The following IMMP2L variants were observed in gnomAD, a reference collection of about 807,000 sequenced individuals.
IMMP2L encodes mitochondrial inner membrane protease subunit 2.
In IMMP2L, 18 loss-of-function variants were observed where a neutral mutation model predicts 19.3. The observed-to-expected ratio is 0.93, with a 90% CI of 0.64 to 1.38. The LOEUF is 1.38. Among genes scored for constraint, IMMP2L ranks in the 40% most tolerant of loss-of-function variants. The probability of loss-of-function intolerance (pLI) is 0.00; values close to 1 mark genes in which losing one functional copy is unlikely to be tolerated. For synonymous variants in IMMP2L, 76 were observed against 73.0 expected (o/e 1.04, Z -0.21); for missense variants, 233 against 218.2 (o/e 1.07, Z -0.43).
Position 110,727,404 on chromosome 7 carries a change from A to G in IMMP2L, c.409-63683T>C, listed in dbSNP as rs937175143. On this transcript the variant is annotated intron_variant, in intron 5 of 5. Transcript: ENST00000405709. The surrounding 1 kb of genome is among the most constrained non-coding windows in gnomAD (Gnocchi z 4.3). ...AGACTCTGTCTCTAAATAAATAAAT[A>G]AATAAATAAATAAATATTAAAAATC... 6.6e-6 allele frequency among the ~76,000 whole-genome samples: 1 copy of G among 151,936 alleles called. No individual in the cohort carries two copies. The highest frequency in any genetic ancestry group is 1.5e-5 in the Non-Finnish European group (1 of 67,992).
intron 3 of IMMP2L, 115 bp downstream of exon 3, chr7:111,487,123 A>T (rs1401828110): frequency 1.9e-6 from 1 of 519,800 alleles, no homozygotes; most frequent in Non-Finnish European, 3.4e-6. Flanking sequence ...CATTGTATTT[A>T]ACATGTATTC....
chr7:110,668,778 CT>C (rs201051720), intron 5 of IMMP2L, among the ~76,000 whole-genome samples: 3 of 143,980 alleles, frequency 2.1e-5, no homozygotes, highest in Non-Finnish European at 3.0e-5. Flanking sequence ...TTCAGGGTTT[CT>C]TTTTTTTAAT....
Position 111,443,383 on chromosome 7 carries a change from G to A in IMMP2L, c.239+43855C>T, listed in dbSNP as rs549673159. Among the ~76,000 whole-genome samples the A allele has an allele frequency of 2.0e-5, 3 of 152,254 alleles. No homozygotes were observed. The South Asian group carries it at 6.2e-4, about 32-fold the overall frequency. ...TACTACGACCACTGTCTTAAGAGAA[G>A]GAAAACTGAGTGGGCTGGTTAAGGA... On this transcript the variant is annotated intron_variant, in intron 3 of 5. Coordinates refer to ENST00000405709, the MANE Select transcript of IMMP2L (RefSeq NM_032549.4).
chr7:110,813,660 G>A (rs1356135703), intron 5 of IMMP2L, among the ~76,000 whole-genome samples: 1 of 151,678 alleles, frequency 6.6e-6, no homozygotes, highest in Non-Finnish European at 1.5e-5. Flanking sequence ...GGGAATGGTG[G>A]AAGGATGTTA....
chr7:110,813,055 T>A (rs1333137417), intron 5 of IMMP2L, among the ~76,000 whole-genome samples: 1 of 152,192 alleles, frequency 6.6e-6, no homozygotes, highest in African/African-American at 2.4e-5. Flanking sequence ...GGAATCACTT[T>A]GCAGTAAAAT....
chr7:110,905,588 G>C (rs530088090), intron 4 of IMMP2L, among the ~76,000 whole-genome samples: 7 of 152,162 alleles, frequency 4.6e-5, no homozygotes, highest in Non-Finnish European at 7.4e-5. Context: ...AAGAAGTTTA[G>C]GAAAAGGCAT....
intron 4 of IMMP2L, chr7:110,962,940 T>C (rs756068436): frequency 7.4e-5 from 105 of 1,416,446 alleles, no homozygotes; most frequent in East Asian, 1.0e-4. Flanking sequence ...ATGTCAACAA[T>C]TGTTCTTGAT....
chr7:111,237,913 A>C (rs994946230), intron 3 of IMMP2L, among the ~76,000 whole-genome samples: 1 of 152,086 alleles, frequency 6.6e-6, no homozygotes, highest in Non-Finnish European at 1.5e-5. Context: ...TGATAATGGT[A>C]TCTATCCAAT....
chr7:110,970,129 AT>A (rs531626712), intron 3 of IMMP2L, among the ~76,000 whole-genome samples: 53 of 152,260 alleles, frequency 3.5e-4, no homozygotes, highest in African/African-American at 1.2e-3. Context: ...TGTAAAATCA[AT>A]TAAATTTGTA....
chr7:110,743,824 G>C (rs1488152410), intron 5 of IMMP2L, among the ~76,000 whole-genome samples: 1 of 152,120 alleles, frequency 6.6e-6, no homozygotes, highest in Non-Finnish European at 1.5e-5. Flanking sequence ...CCCAAAACTG[G>C]GCGGCCATTT....
chr7:110,665,134 A>G (rs976005665), intron 5 of IMMP2L: 1 of 152,244 alleles, frequency 6.6e-6, no homozygotes, highest in African/African-American at 2.4e-5. Flanking sequence ...CCTTGGGCTC[A>G]ATAAAGGGTT....
At chr7:111,110,885 G>A (rs1799115382) in intron 3 of IMMP2L, among the ~76,000 whole-genome samples, 1 of 152,140 alleles carries the variant, frequency 6.6e-6, no homozygotes, top group Non-Finnish European at 1.5e-5. Context: ...ATGTGACTGT[G>A]AAGGGAAAAT....
chr7:111,275,253 T>C (rs944584100), intron 3 of IMMP2L, among the ~76,000 whole-genome samples: 6 of 152,110 alleles, frequency 3.9e-5, no homozygotes, highest in Non-Finnish European at 7.4e-5. Flanking sequence ...GATAAGAGAC[T>C]TGGCCCAAAT....
At chr7:110,807,695 C>A (rs904088912) in intron 5 of IMMP2L, among the ~76,000 whole-genome samples, 1 of 151,976 alleles carries the variant, frequency 6.6e-6, no homozygotes, top group Middle Eastern at 3.2e-3. Context: ...GTAAAGAAGT[C>A]TTTAAATCTA....
rs865817868 is a variant in IMMP2L at position 111,430,157 on chromosome 7, T to G, written c.239+57081A>C. ...AAAGTCCTATTTGAAATTCTTATTA[T>G]AATATTAAAATTGGGAAAAGAGCAA... On this transcript the variant is annotated intron_variant, in intron 3 of 5. Coordinates refer to ENST00000405709, the MANE Select transcript of IMMP2L (RefSeq NM_032549.4). 2.9e-4 allele frequency among the ~76,000 whole-genome samples: 44 copies of G among 151,994 alleles called. 1 individual carries two copies. Among genetic ancestry groups the G allele is most frequent in the African/African-American group, 9.2e-4 (38 of 41,308 alleles).
In IMMP2L at chr7:110,689,243, C is replaced by T. The variant is rs1436145790; in HGVS notation, c.409-25522G>A. 2.0e-5 allele frequency among the ~76,000 whole-genome samples: 3 copies of T among 152,194 alleles called. No homozygotes were observed. In the South Asian group the frequency reaches 6.2e-4, roughly 32 times the overall value. On this transcript the variant is annotated intron_variant, in intron 5 of 5. Transcript: ENST00000405709. ...TTTTAAAAAGGAAATATGGTATTTTCTCAGTTAAAAAAGTGAGTGTGTTTC... is the reference window on the plus strand; with the variant it reads ...TTTTAAAAAGGAAATATGGTATTTTTTCAGTTAAAAAAGTGAGTGTGTTTC...
intron 3 of IMMP2L, among the ~76,000 whole-genome samples, chr7:110,994,739 A>C (rs1822857051): frequency 6.6e-6 from 1 of 152,164 alleles, no homozygotes; most frequent in Non-Finnish European, 1.5e-5. Flanking sequence ...TAAAGTAACC[A>C]ATGCAACCAT....
intron 5 of IMMP2L, among the ~76,000 whole-genome samples, chr7:110,677,296 A>AT (rs1792379475): frequency 6.6e-6 from 1 of 152,220 alleles, no homozygotes; most frequent in Admixed American, 6.5e-5. Context: ...AAAATGAGCA[A>AT]TTGCACTGTT....
chr7:110,975,753 G>A (rs1255908429), intron 3 of IMMP2L, among the ~76,000 whole-genome samples: 1 of 152,052 alleles, frequency 6.6e-6, no homozygotes, highest in African/African-American at 2.4e-5. Flanking sequence ...AGACACACTA[G>A]CACTGCAATG....
Sources: allele counts gnomAD v4.1 joint callset (sites outside exome capture counted in the v4.1 genomes callset), GRCh38; gene constraint gnomAD v4.1.1; non-coding constraint Gnocchi (gnomAD v3.1); transcripts MANE v1.5; gene names NCBI Gene and HGNC (gene_info 2026-07-23, HGNC 2026-07-21).